QSOX2: variants seen among roughly 807,000 people sequenced by gnomAD.
The protein encoded by QSOX2 is sulfhydryl oxidase 2.
QSOX2 carries 46 observed loss-of-function variants against 61.7 expected under a neutral mutation model. The ratio of observed to expected loss-of-function variants is 0.75; its 90% CI spans 0.59 to 0.95. The LOEUF (loss-of-function observed/expected upper bound fraction) is 0.95. Ranked by LOEUF, QSOX2 falls within the 40% of genes least tolerant of loss-of-function variation. QSOX2 has a pLI of 0.00. For synonymous variants in QSOX2, 383 were observed against 388.4 expected (o/e 0.99, Z 0.16); for missense variants, 879 against 918.9 (o/e 0.96, Z 0.56).
At chr9:136,211,522 G>A in intron 10 of QSOX2, 70 bp from the exon 11 acceptor site, 1 of 1,517,014 alleles carries the variant, frequency 6.6e-7, no homozygotes, top group Admixed American at 1.8e-5. Flanking sequence ...CTTGTCCAGA[G>A]AGCCTGGGGG....
At chr9:136,238,111 A>G (rs937232103) in intron 1 of QSOX2, among the ~76,000 whole-genome samples, 4 of 152,232 alleles carry the variant, frequency 2.6e-5, no homozygotes, top group African/African-American at 9.6e-5. Flanking sequence ...TCCGTGCCCC[A>G]GGTCACAGCC....
At position 136,208,455 on chromosome 9, in the gene QSOX2, A is replaced by G. The variant is rs1831802805; in HGVS notation, c.*273T>C. 2 of 406,824 alleles carry G rather than the reference A, an allele frequency of 4.9e-6. No homozygotes were observed. Among genetic ancestry groups the G allele is most frequent in the Non-Finnish European group, 8.8e-6 (2 of 228,040 alleles). The allele number at this position is 406,824 out of a possible 1,614,324, so 25.2% of individuals were successfully genotyped here. On this transcript the variant is annotated 3_prime_UTR_variant, in exon 12 of 12. Transcript: ENST00000358701. ...TTTTCACATCTAGAAGAGTAAAAAT[A>G]CAGAAGTCTTTTTGCTGTAAGACCT...
intron 10 of QSOX2, among the ~76,000 whole-genome samples, chr9:136,212,744 T>C (rs1186131003): frequency 6.6e-6 from 1 of 152,202 alleles, no homozygotes; most frequent in Non-Finnish European, 1.5e-5. Context: ...ACCCTAATCT[T>C]TAAAGTGGAC....
At position 136,207,364 on chromosome 9, in the gene QSOX2, T is replaced by TACATACACAC. The variant is rs1831779597; in HGVS notation, c.*1363_*1364insGTGTGTATGT. 1.4e-5 allele frequency: 2 copies of TACATACACAC among 145,032 alleles called. No homozygotes were observed. The highest frequency in any genetic ancestry group is 5.2e-5 in the African/African-American group (2 of 38,436). The allele number at this position is 145,032 out of a possible 1,614,324, so 9.0% of individuals were successfully genotyped here. On this transcript the variant is annotated 3_prime_UTR_variant, in exon 12 of 12. Transcript: ENST00000358701. ...ACCGTCAAAGTCTCTCTCTCTCTCA[T>TACATACACAC]ACACACACACACACACACACACACA...
At position 136,245,809 on chromosome 9, in the gene QSOX2, A is replaced by C; in HGVS notation, c.-6T>G. ...GCCGCCCCGGCCGCCGCCATGTTGG[A>C]AGTGCCGCCGGCGCGCTGAACTTTC... is the stretch of plus-strand genomic sequence containing the variant. On this transcript the variant is annotated 5_prime_UTR_variant, in exon 1 of 12. Transcript: ENST00000358701. 1.7e-6 allele frequency: 2 copies of C among 1,144,694 alleles called. No homozygotes were observed. The highest frequency in any genetic ancestry group is 2.2e-6 in the Non-Finnish European group (2 of 928,528). The allele number at this position is 1,144,694 out of a possible 1,614,324, so 70.9% of individuals were successfully genotyped here. A position where few individuals can be genotyped will look rare whatever the true frequency, so the allele number is the denominator to read the frequency against.
In QSOX2 at chr9:136,240,661, G is replaced by A. The variant is rs75577892; in HGVS notation, c.328+4815C>T. 2.3e-3 allele frequency among the ~76,000 whole-genome samples: 357 copies of A among 152,274 alleles called. 1 individual carries two copies. The highest frequency in any genetic ancestry group is 4.2e-3 in the Non-Finnish European group (283 of 68,026). On this transcript the variant is annotated intron_variant, in intron 1 of 11. Transcript: ENST00000358701. ...TGGGTAGAAATGAAACCCACCTAGC[G>A]ACCAGGAGAGCCTAACACAAATCAC...
rs926138097 is a variant in QSOX2 at position 136,221,064 on chromosome 9, G to A, written c.821+732C>T. ...ACAGGCACTCCACGCAGAGGCAAAGGGCTTATCCTCATGAGGGGCACACAG... is the reference window on the plus strand; with the variant it reads ...ACAGGCACTCCACGCAGAGGCAAAGAGCTTATCCTCATGAGGGGCACACAG... On this transcript the variant is annotated intron_variant, in intron 6 of 11. Transcript: ENST00000358701. The surrounding 1 kb of genome is among the most constrained non-coding windows in gnomAD (Gnocchi z 4.5). 6.6e-6 allele frequency among the ~76,000 whole-genome samples: 1 copy of A among 151,734 alleles called. No homozygotes were observed. Among genetic ancestry groups the A allele is most frequent in the South Asian group, 2.1e-4 (1 of 4,794 alleles).
chr9:136,209,969 C>T lies in QSOX2; in HGVS notation c.1550-694G>A, dbSNP rs1564288669. On this transcript the variant is annotated intron_variant, in intron 11 of 11. Coordinates refer to ENST00000358701, the MANE Select transcript of QSOX2 (RefSeq NM_181701.4). The surrounding 1 kb of genome is among the most constrained non-coding windows in gnomAD (Gnocchi z 5.6). ...CTCGGAGCCCCTGCGACCCGACTTGCTGACACCTGGCCACCCTCACAGAGC... is the reference window on the plus strand; with the variant it reads ...CTCGGAGCCCCTGCGACCCGACTTGTTGACACCTGGCCACCCTCACAGAGC... The T allele has an allele frequency of 1.0e-6, 1 of 985,438 alleles. No individual in the cohort carries two copies. The highest frequency in any genetic ancestry group is 1.1e-4 in the East Asian group (1 of 8,776). The allele number at this position is 985,438 out of a possible 1,614,324, so 61.0% of individuals were successfully genotyped here.
intron 1 of QSOX2, among the ~76,000 whole-genome samples, chr9:136,243,823 C>T (rs760313297): frequency 6.6e-6 from 1 of 152,242 alleles, no homozygotes; most frequent in Non-Finnish European, 1.5e-5. Flanking sequence ...GTCTCAGTCT[C>T]AGGCACAAGC....
intron 1 of QSOX2, among the ~76,000 whole-genome samples, chr9:136,236,617 G>A (rs1830384294): frequency 6.6e-6 from 1 of 152,236 alleles, no homozygotes; most frequent in African/African-American, 2.4e-5. Flanking sequence ...TGACACCTCT[G>A]ATAAATAAAA....
Position 136,219,173 on chromosome 9 carries a change from G to C in QSOX2, c.822-9C>G, listed in dbSNP as rs769098824. 1 of 1,611,986 alleles carries C rather than the reference G, an allele frequency of 6.2e-7. No individual in the cohort carries two copies. The highest frequency in any genetic ancestry group is 2.2e-5 in the East Asian group (1 of 44,842). On this transcript the variant is annotated splice_polypyrimidine_tract_variant and intron_variant, in intron 6 of 11. Coordinates refer to ENST00000358701, the MANE Select transcript of QSOX2 (RefSeq NM_181701.4). ...CCCGCAGAGGCTTCACGCTGTGAGAGAGGGGAGGGCAAAGGTGAGAAGAGC... is the reference window on the plus strand; with the variant it reads ...CCCGCAGAGGCTTCACGCTGTGAGACAGGGGAGGGCAAAGGTGAGAAGAGC...
rs752866878 is a variant in QSOX2 at position 136,208,819 on chromosome 9, A to G, written c.2006T>C (p.Val669Ala). 6.2e-7 allele frequency: 1 copy of G among 1,614,042 alleles called. No homozygotes were observed. Among genetic ancestry groups the G allele is most frequent in the Non-Finnish European group, 8.5e-7 (1 of 1,180,020 alleles). The change falls in exon 12 of 12, where the codon GTG becomes GCG. Residue 669 changes from valine (V) to alanine (A), a missense_variant. Physicochemically the swap from Val to Ala is moderately conservative, Grantham distance 64 (BLOSUM62 0). Coordinates refer to ENST00000358701, the MANE Select transcript of QSOX2 (RefSeq NM_181701.4). Reference protein sequence around the residue: ...LDMSLCVVLYVASSLFLMVMY... With the variant: ...LDMSLCVVLYAASSLFLMVMY... Reference sequence around the variant, plus strand: ...CACCATGAGGAACAGGGATGAAGCCACGTACAGCACGACACAGAGACTCAT... The same window carrying G: ...CACCATGAGGAACAGGGATGAAGCCGCGTACAGCACGACACAGAGACTCAT...
In QSOX2 at chr9:136,209,223, G is replaced by A; in HGVS notation, c.1602C>T (p.Asp534=). 1 of 1,614,064 alleles carries A rather than the reference G, an allele frequency of 6.2e-7. No homozygotes were observed. The highest frequency in any genetic ancestry group is 8.5e-7 in the Non-Finnish European group (1 of 1,180,008). Residue 534 remains aspartate (D), a synonymous_variant, in exon 12 of 12, where the codon GAC becomes GAT. Coordinates refer to ENST00000358701, the MANE Select transcript of QSOX2 (RefSeq NM_181701.4). This position sits in a 1 kb window ranked among gnomAD's most constrained non-coding sequence, Gnocchi z 5.6. ...TTTCCTCATGGCAGGCTGGGCAGAG[G>A]TCCGGAGTGGGCCACTGAAGCTTTG... is the stretch of plus-strand genomic sequence containing the variant. ...RFPKLQWPTP[D]LCPACHEEIK...
chr9:136,238,246 G>A (rs946400051), intron 1 of QSOX2, among the ~76,000 whole-genome samples: 2 of 152,218 alleles, frequency 1.3e-5, no homozygotes, highest in Non-Finnish European at 2.9e-5. Context: ...TAGTCAGACG[G>A]GGAAACTGAT....
In QSOX2 at chr9:136,209,829, G is replaced by A. The variant is rs1564288596; in HGVS notation, c.1550-554C>T. On this transcript the variant is annotated intron_variant, in intron 11 of 11. Coordinates refer to ENST00000358701, the MANE Select transcript of QSOX2 (RefSeq NM_181701.4). This position sits in a 1 kb window ranked among gnomAD's most constrained non-coding sequence, Gnocchi z 5.6. ...CACTTCAGGTACACTGGCCCTTTCC[G>A]GACTACAAATCCCTTCAAGATCTCC... The A allele has an allele frequency of 3.0e-6, 3 of 985,218 alleles. No individual in the cohort carries two copies. Among genetic ancestry groups the A allele is most frequent in the African/African-American group, 1.7e-5 (1 of 57,240 alleles). 61.0% of individuals were successfully genotyped at this position (985,218 alleles called of 1,614,324 possible). A position where few individuals can be genotyped will look rare whatever the true frequency, so the allele number is the denominator to read the frequency against.
Position 136,224,892 on chromosome 9 carries a change from T to G in QSOX2, c.447A>C (p.Thr149=). The change falls in exon 3 of 12, where the codon ACA becomes ACC. Residue 149 remains threonine (T), a synonymous_variant. Transcript: ENST00000358701. Reference sequence around the variant, plus strand: ...AATTTTCTCCAGTTGTAAACTCCTTTGTAAATGCTTTAAAATACTAAGAGG... The same window carrying G: ...AATTTTCTCCAGTTGTAAACTCCTTGGTAAATGCTTTAAAATACTAAGAGG... ...YPTFRYFKAF[T]KEFTTGENFK... The G allele has an allele frequency of 6.2e-7, 1 of 1,604,996 alleles. No homozygotes were observed. Among genetic ancestry groups the G allele is most frequent in the African/African-American group, 1.3e-5 (1 of 74,672 alleles).
intron 6 of QSOX2, among the ~76,000 whole-genome samples, chr9:136,219,885 C>T (rs1021536252): frequency 1.3e-5 from 2 of 152,216 alleles, no homozygotes; most frequent in African/African-American, 2.4e-5. Context: ...TGGTTCAGGC[C>T]GCTCTGCCAA....
intron 8 of QSOX2, 96 bp downstream of exon 8, chr9:136,218,583 A>C: frequency 7.1e-7 from 1 of 1,408,360 alleles, no homozygotes; most frequent in South Asian, 1.4e-5. Context: ...ACCTCAGCGG[A>C]GCTGGCGGAG....
chr9:136,237,107 G>A (rs1214980915), intron 1 of QSOX2, among the ~76,000 whole-genome samples: 1 of 134,538 alleles, frequency 7.4e-6, no homozygotes, highest in East Asian at 2.4e-4. Flanking sequence ...AGCCTGTCTT[G>A]TGCCACACCT....
Sources: allele counts gnomAD v4.1 joint callset (sites outside exome capture counted in the v4.1 genomes callset), GRCh38; gene constraint gnomAD v4.1.1; non-coding constraint Gnocchi (gnomAD v3.1); transcripts MANE v1.5; gene names NCBI Gene and HGNC (gene_info 2026-07-23, HGNC 2026-07-21).